HEMK1: variants seen among roughly 807,000 people sequenced by gnomAD.
HEMK1 encodes HemK methyltransferase 1, mitochondrial release factors N(5)-glutamine, also known as MTRF1L release factor glutamine methyltransferase.
A neutral mutation model predicts 47.9 loss-of-function variants in HEMK1; 36 were observed. That is an observed-to-expected ratio of 0.75 (90% CI 0.58 to 0.99). The LOEUF (loss-of-function observed/expected upper bound fraction) is 0.99, where lower values mean the gene tolerates loss of function less well. Ranked by LOEUF, HEMK1 falls within the 50% of genes least tolerant of loss-of-function variation. HEMK1 has a pLI of 0.00. For synonymous variants in HEMK1, 153 were observed against 165.4 expected, an observed-to-expected ratio of 0.93 and a Z score of 0.57; for missense variants, 383 against 434.5, an observed-to-expected ratio of 0.88 and a Z score of 1.05.
intron 4 of HEMK1, among the ~76,000 whole-genome samples, chr3:50,576,052 C>T (rs1701557679): frequency 6.6e-6 from 1 of 152,264 alleles, no homozygotes; most frequent in African/African-American, 2.4e-5. Flanking sequence ...GCACCTCCCT[C>T]TGCACCCATG....
In HEMK1 at chr3:50,571,137, C is replaced by T; in HGVS notation, c.33C>T (p.Leu11=). ...TTTGGGGCCGAATGCTGTGGGCCCT[C>T]CTGTCTGGCCCAGGGAGGAGGGGAA... MELWGRMLWA[L]LSGPGRRGST... Residue 11 remains leucine (L), a synonymous_variant, in exon 2 of 11, where the codon CTC becomes CTT. Transcript: ENST00000232854. The T allele has an allele frequency of 6.2e-7, 1 of 1,610,268 alleles. No homozygotes were observed. Among genetic ancestry groups the T allele is most frequent in the Non-Finnish European group, 8.5e-7 (1 of 1,178,226 alleles).
At chr3:50,569,215 G>C (rs969090760), upstream of HEMK1, 2 of 152,314 alleles carry the variant, frequency 1.3e-5, no homozygotes, top group Middle Eastern at 3.2e-3. Flanking sequence ...ACGCCAGCTC[G>C]GAGCAATCCC....
rs2031823145 is a variant in HEMK1 at position 50,593,465 on chromosome 3, G to A, written c.*13048G>A. ...TCCCCCCTTCTCATTTTTTCTTACT[G>A]TGGCTGCACCAGGGCTGTGCCCCTC... is the stretch of plus-strand genomic sequence containing the variant. On this transcript the variant is annotated 3_prime_UTR_variant, in exon 11 of 11. Transcript: ENST00000232854. 1 of 152,102 alleles carries A rather than the reference G, an allele frequency of 6.6e-6. No homozygotes were observed. Among genetic ancestry groups the A allele is most frequent in the African/African-American group, 2.4e-5 (1 of 41,406 alleles). The allele number at this position is 152,102 out of a possible 1,614,324, so 9.4% of individuals were successfully genotyped here.
Position 50,574,454 on chromosome 3 carries a change from C to T in HEMK1, c.414+2246C>T, listed in dbSNP as rs761472617. 5.3e-5 allele frequency among the ~76,000 whole-genome samples: 8 copies of T among 152,324 alleles called. 1 individual carries two copies. In the South Asian group the frequency reaches 1.7e-3, roughly 32 times the overall value. On this transcript the variant is annotated intron_variant, in intron 4 of 10. Coordinates refer to ENST00000232854, the MANE Select transcript of HEMK1 (RefSeq NM_016173.5). ...CAGTTTCTTAGCTTCTTACCCTCCC[C>T]AAGGTGGCCATCCACATACGTGGTG...
At position 50,590,715 on chromosome 3, in the gene HEMK1, C is replaced by T. The variant is rs1384897371; in HGVS notation, c.*10298C>T. 1 of 152,228 alleles carries T rather than the reference C, an allele frequency of 6.6e-6. No individual in the cohort carries two copies. Among genetic ancestry groups the T allele is most frequent in the East Asian group, 1.9e-4 (1 of 5,196 alleles). The allele number at this position is 152,228 out of a possible 1,614,324, so 9.4% of individuals were successfully genotyped here. The stretch of plus-strand genomic sequence containing the variant: ...GCTCCCGGCACCTCCCACCCAGCAT[C>T]TGTCACAGCAAATCAATCTGGGCCA... On this transcript the variant is annotated 3_prime_UTR_variant, in exon 11 of 11. Transcript: ENST00000232854.
chr3:50,575,882 C>T (rs142472567), intron 4 of HEMK1, among the ~76,000 whole-genome samples: 29 of 152,326 alleles, frequency 1.9e-4, no homozygotes, highest in Admixed American at 3.9e-4. Flanking sequence ...GGCCATTGGA[C>T]GGCAGGAGCC....
chr3:50,570,226 C>G (rs1401533228), intron 1 of HEMK1: 1 of 152,246 alleles, frequency 6.6e-6, no homozygotes, highest in Non-Finnish European at 1.5e-5. Flanking sequence ...TGGCACTTAG[C>G]AGGTGCTTAA....
intron 4 of HEMK1, among the ~76,000 whole-genome samples, chr3:50,573,887 T>C (rs189816733): frequency 6.6e-6 from 1 of 152,278 alleles, no homozygotes; most frequent in Non-Finnish European, 1.5e-5. Flanking sequence ...AGTAGGAAAC[T>C]CAGGGCTGGG....
intron 8 of HEMK1, 32 bp downstream of exon 8, chr3:50,578,958 C>T (rs780040988): frequency 6.7e-7 from 1 of 1,488,318 alleles, no homozygotes; most frequent in Admixed American, 1.8e-5. Flanking sequence ...GGAGGCCAGG[C>T]CTGAAAAGGC....
intron 7 of HEMK1, among the ~76,000 whole-genome samples, 196 bp downstream of exon 7, chr3:50,578,071 T>A (rs976705082): frequency 1.3e-5 from 2 of 152,124 alleles, no homozygotes; most frequent in African/African-American, 4.8e-5. Flanking sequence ...GACAAGGTGC[T>A]TTTGCCTCCT....
In HEMK1 at chr3:50,579,915, C is replaced by A; in HGVS notation, c.842C>A (p.Ala281Glu). Residue 281 changes from alanine (A) to glutamate (E), a missense_variant, in exon 9 of 11, where the codon GCA becomes GAA. Physicochemically the swap from Ala to Glu is moderately radical, Grantham distance 107 (BLOSUM62 -1). Coordinates refer to ENST00000232854, the MANE Select transcript of HEMK1 (RefSeq NM_016173.5). ...MDIITHILAL[A>E]PRLLKDSGSI... ...ATCATTACCCACATTCTGGCCTTGG[C>A]ACCCCGGCTCCTGAAAGACTCTGGG... 1 of 1,613,948 alleles carries A rather than the reference C, an allele frequency of 6.2e-7. No individual in the cohort carries two copies.
At chr3:50,580,011 C>A in intron 9 of HEMK1, 72 bp downstream of exon 9, 1 of 1,531,136 alleles carries the variant, frequency 6.5e-7, no homozygotes, top group Non-Finnish European at 9.0e-7. Flanking sequence ...CTGGGCAGGC[C>A]CTGGCAGAGG....
intron 9 of HEMK1, 58 bp downstream of exon 9, chr3:50,579,997 TGTACTGG>T (rs1302320120): frequency 6.5e-7 from 1 of 1,539,454 alleles, no homozygotes; most frequent in Non-Finnish European, 9.0e-7. Context: ...GCTCCTAATG[TGTACTGG>T]GCAGGCCCTG....
chr3:50,572,055 G>A (rs1036781581), intron 3 of HEMK1, 60 bp from the exon 4 acceptor site: 1 of 1,608,432 alleles, frequency 6.2e-7, no homozygotes, highest in Non-Finnish European at 8.5e-7. Context: ...TCTCAACCCA[G>A]GCATGGTCCT....
chr3:50,573,043 CA>C (rs1024469025), intron 4 of HEMK1, among the ~76,000 whole-genome samples: 2 of 152,240 alleles, frequency 1.3e-5, no homozygotes, highest in Non-Finnish European at 2.9e-5. Context: ...CAGGGGGCCC[CA>C]AACCCTTCTT....
Position 50,577,592 on chromosome 3 carries a change from C to G in HEMK1, c.614+19C>G. 1 of 1,609,072 alleles carries G rather than the reference C, an allele frequency of 6.2e-7. No individual in the cohort carries two copies. The highest frequency in any genetic ancestry group is 8.5e-7 in the Non-Finnish European group (1 of 1,175,536). ...CTCAGAGGTAGGTGGGGGAGTTGCA[C>G]TTTGGGGCCTAATCTTGACTCCTTT... is the stretch of plus-strand genomic sequence containing the variant. On this transcript the variant is annotated intron_variant, in intron 6 of 10. Coordinates refer to ENST00000232854, the MANE Select transcript of HEMK1 (RefSeq NM_016173.5).
chr3:50,580,369 C>T lies in HEMK1; in HGVS notation c.981-12C>T. 6.2e-7 allele frequency: 1 copy of T among 1,614,182 alleles called. No individual in the cohort carries two copies. The highest frequency in any genetic ancestry group is 8.5e-7 in the Non-Finnish European group (1 of 1,180,018). On this transcript the variant is annotated splice_polypyrimidine_tract_variant and intron_variant, in intron 10 of 10. Coordinates refer to ENST00000232854, the MANE Select transcript of HEMK1 (RefSeq NM_016173.5). ...CCCAGGTGGTAACCAGCCCCTGTCC[C>T]TGTCTCCTCAGGCCCCGGTTCCTGC...
chr3:50,580,548 A>G lies in HEMK1; in HGVS notation c.*131A>G. On this transcript the variant is annotated 3_prime_UTR_variant, in exon 11 of 11. Transcript: ENST00000232854. Reference sequence around the variant, plus strand: ...TGATTTCCCCATGCTCTGCATTTCTAGGATATTTCTAGGACACCTGGATTG... The same window carrying G: ...TGATTTCCCCATGCTCTGCATTTCTGGGATATTTCTAGGACACCTGGATTG... 1 of 941,090 alleles carries G rather than the reference A, an allele frequency of 1.1e-6. No individual in the cohort carries two copies. Among genetic ancestry groups the G allele is most frequent in the Non-Finnish European group, 1.6e-6 (1 of 620,596 alleles). 58.3% of individuals were successfully genotyped at this position (941,090 alleles called of 1,614,324 possible). A position where few individuals can be genotyped will look rare whatever the true frequency, so the allele number is the denominator to read the frequency against.
Position 50,593,747 on chromosome 3 carries a change from C to T in HEMK1, c.*13330C>T, listed in dbSNP as rs1575975587. On this transcript the variant is annotated 3_prime_UTR_variant, in exon 11 of 11. Coordinates refer to ENST00000232854, the MANE Select transcript of HEMK1 (RefSeq NM_016173.5). ...GACAAATTTGTCTTTTCCTTTCTTT[C>T]TTTTTTTTTTTTTTGAGACAAAGTG... is the stretch of plus-strand genomic sequence containing the variant. The T allele has an allele frequency of 7.0e-6, 1 of 142,614 alleles. No individual in the cohort carries two copies. 8.8% of individuals were successfully genotyped at this position (142,614 alleles called of 1,614,324 possible). A position where few individuals can be genotyped will look rare whatever the true frequency, so the allele number is the denominator to read the frequency against.
Sources: gnomAD v4.1 joint callset for allele counts (sites outside exome capture counted in the v4.1 genomes callset) on GRCh38, gnomAD v4.1.1 for gene constraint, MANE v1.5 for transcripts, NCBI Gene and HGNC (gene_info 2026-07-23, HGNC 2026-07-21) for gene names.